The following ENSA variants were observed in gnomAD, a reference collection of about 807,000 sequenced individuals.
ENSA encodes endosulfine alpha, also known as alpha-endosulfine.
ENSA carries 7 observed loss-of-function variants against 16.8 expected under a neutral mutation model. The ratio of observed to expected loss-of-function variants is 0.42; its 90% CI spans 0.24 to 0.78. ENSA has a LOEUF of 0.78. ENSA is among the 30% of genes least tolerant of loss of function. ENSA has a pLI of 0.29. For synonymous variants in ENSA, 58 were observed against 53.4 expected (o/e 1.09, Z -0.37); for missense variants, 87 against 142.3 (o/e 0.61, Z 1.98).
Position 150,629,437 on chromosome 1 carries a change from C to T in ENSA, c.34G>A (p.Glu12Lys), listed in dbSNP as rs1228754399. The change falls in exon 1 of 4, where the codon GAG becomes AAG. Residue 12 changes from glutamate to lysine, a missense_variant. Glu to Lys is a moderately conservative substitution (Grantham distance 56). Transcript: ENST00000369014. The stretch of plus-strand genomic sequence containing the variant: ...ACCTGCTTCTCCTCGCCGGTCTCCT[C>T]CGCAGGGTTCTCTTCTTCTTGTTTC... ...SQKQEEENPA[E>K]ETGEEKQDTQ... 1.9e-6 allele frequency: 3 copies of T among 1,613,886 alleles called. No individual in the cohort carries two copies. The highest frequency in any genetic ancestry group is 2.2e-5 in the East Asian group (1 of 44,876).
At chr1:150,628,314 C>T (rs775149583) in intron 1 of ENSA, among the ~76,000 whole-genome samples, 5 of 152,182 alleles carry the variant, frequency 3.3e-5, no homozygotes, top group Non-Finnish European at 7.3e-5. Flanking sequence ...ATGGCACAGC[C>T]TTGCTTCAAC....
Position 150,623,995 on chromosome 1 carries a change from T to C in ENSA, c.351-1136A>G, listed in dbSNP as rs1447995237. On this transcript the variant is annotated intron_variant, in intron 3 of 3. Coordinates refer to ENST00000369014, the MANE Select transcript of ENSA (RefSeq NM_004436.4). ...AGTCATTCTCATTGGGCCAAATGTT[T>C]GGCATATCAGAATTTGTGATGTGAG... 6.1e-6 allele frequency: 6 copies of C among 985,308 alleles called. No homozygotes were observed. The African/African-American group carries it at 8.7e-5, about 14-fold the overall frequency. 61.0% of individuals were successfully genotyped at this position (985,308 alleles called of 1,614,324 possible). A position where few individuals can be genotyped will look rare whatever the true frequency, so the allele number is the denominator to read the frequency against.
At chr1:150,628,879 C>A in intron 1 of ENSA, 1 of 631,782 alleles carries the variant, frequency 1.6e-6, no homozygotes, top group Non-Finnish European at 2.8e-6. Context: ...TGAAGGTGAG[C>A]AATAGACCAT....
intron 3 of ENSA, chr1:150,623,211 T>C: frequency 9.2e-7 from 1 of 1,086,866 alleles, no homozygotes; most frequent in Non-Finnish European, 1.1e-6. Flanking sequence ...CACAGCTACT[T>C]GCAAAGACTG....
chr1:150,627,409 T>C, intron 2 of ENSA, 58 bp downstream of exon 2: 2 of 1,614,198 alleles, frequency 1.2e-6, no homozygotes, highest in Non-Finnish European at 1.7e-6. Flanking sequence ...TCTACAGACT[T>C]CATTCGAAGA....
rs940193430 is a variant in ENSA at position 150,622,598 on chromosome 1, T to C, written c.*246A>G. 6.7e-5 allele frequency: 8 copies of C among 119,612 alleles called. No individual in the cohort carries two copies. Among genetic ancestry groups the C allele is most frequent in the East Asian group, 3.0e-4 (1 of 3,330 alleles). The allele number at this position is 119,612 out of a possible 1,614,324, so 7.4% of individuals were successfully genotyped here. ...CCCCACCCCCACCCCCAGAATTTCA[T>C]TGATATTTCTCCCAACTGTTATTTG... On this transcript the variant is annotated 3_prime_UTR_variant, in exon 4 of 4. Transcript: ENST00000369014.
At chr1:150,627,112 C>T (rs1649387410) in intron 2 of ENSA, 1 of 1,404,532 alleles carries the variant, frequency 7.1e-7, no homozygotes, top group Admixed American at 2.8e-5. Context: ...AATGATGCAT[C>T]CCAAAATTTA....
intron 1 of ENSA, chr1:150,628,944 A>C: frequency 9.2e-7 from 1 of 1,090,244 alleles, no homozygotes; most frequent in Non-Finnish European, 1.4e-6. Flanking sequence ...ACTAGCCATT[A>C]TAATAACTAC....
intron 1 of ENSA, among the ~76,000 whole-genome samples, chr1:150,628,656 C>A (rs1009981930): frequency 6.6e-6 from 1 of 152,112 alleles, no homozygotes; most frequent in East Asian, 1.9e-4. Flanking sequence ...GAACCCAGTA[C>A]TAAATTTTAA....
intron 3 of ENSA, chr1:150,623,603 C>T: frequency 5.1e-6 from 5 of 984,260 alleles, no homozygotes; most frequent in Non-Finnish European, 6.0e-6. Flanking sequence ...TTGAGAAGAT[C>T]GGAGATGAAG....
intron 2 of ENSA, chr1:150,626,362 G>C: frequency 1.1e-6 from 1 of 930,410 alleles, no homozygotes; most frequent in Non-Finnish European, 1.7e-6. Flanking sequence ...TTCCATGACT[G>C]TGACAGCCTG....
chr1:150,623,740 T>A, intron 3 of ENSA: 1 of 985,810 alleles, frequency 1.0e-6, no homozygotes, highest in East Asian at 1.1e-4. Context: ...AGATGGACTT[T>A]AAGGATGACA....
At chr1:150,626,385 T>C in intron 2 of ENSA, 3 of 1,282,744 alleles carry the variant, frequency 2.3e-6, no homozygotes, top group Non-Finnish European at 3.4e-6. Context: ...CACGCCTGCC[T>C]TGCCTCCAGC....
At chr1:150,623,196 AT>A (rs1337689201) in intron 3 of ENSA, 2 of 1,114,226 alleles carry the variant, frequency 1.8e-6, no homozygotes, top group Non-Finnish European at 2.2e-6. Flanking sequence ...TTTCAGAGGC[AT>A]GGCCACAGCT....
rs1259928826 is a variant in ENSA, at chr1:150,623,947, A to C, written c.351-1088T>G. 13 of 985,244 alleles carry C rather than the reference A, an allele frequency of 1.3e-5. No homozygotes were observed. The South Asian group carries it at 5.2e-4, about 39-fold the overall frequency. The allele number at this position is 985,244 out of a possible 1,614,324, so 61.0% of individuals were successfully genotyped here. On this transcript the variant is annotated intron_variant, in intron 3 of 3. Coordinates refer to ENST00000369014, the MANE Select transcript of ENSA (RefSeq NM_004436.4). ...AGGCATATACACACCTCATCCCCCCACATGCACATCAGCAAGTCTATCAGT... is the reference window on the plus strand; with the variant it reads ...AGGCATATACACACCTCATCCCCCCCCATGCACATCAGCAAGTCTATCAGT...
intron 1 of ENSA, chr1:150,628,896 C>T (rs1203072214): frequency 3.0e-6 from 2 of 670,396 alleles, no homozygotes; most frequent in Non-Finnish European, 5.2e-6. Context: ...CCATCCTTAG[C>T]TACTAAAATA....
intron 3 of ENSA, chr1:150,624,055 G>A (rs1649142827): frequency 2.3e-5 from 23 of 985,438 alleles, no homozygotes; most frequent in Non-Finnish European, 2.8e-5. Context: ...GCTCTCTTGA[G>A]CATTAGTTCT....
chr1:150,627,273 G>T lies in ENSA; in HGVS notation c.183+194C>A, dbSNP rs1453803164. 1.3e-5 allele frequency: 20 copies of T among 1,542,526 alleles called. No homozygotes were observed. In the South Asian group the frequency reaches 1.9e-4, roughly 15 times the overall value. On this transcript the variant is annotated intron_variant, in intron 2 of 3. Coordinates refer to ENST00000369014, the MANE Select transcript of ENSA (RefSeq NM_004436.4). ...AATTTAGGCCTTAATTTCCTACATG[G>T]GAAATCAGGAGGGAATTGATACCAC...
rs1173599533 is a variant in ENSA at position 150,622,694 on chromosome 1, C to G, written c.*150G>C. 5 of 705,540 alleles carry G rather than the reference C, an allele frequency of 7.1e-6. No homozygotes were observed. The East Asian group carries it at 9.2e-5, about 13-fold the overall frequency. The allele number at this position is 705,540 out of a possible 1,614,324, so 43.7% of individuals were successfully genotyped here. On this transcript the variant is annotated 3_prime_UTR_variant, in exon 4 of 4. Coordinates refer to ENST00000369014, the MANE Select transcript of ENSA (RefSeq NM_004436.4). The stretch of plus-strand genomic sequence containing the variant: ...CAAGGGGCTCCATGTGCTGGGACAC[C>G]AACAGGAAAGGGCTTCTGCCTCTCC...
Sources: allele counts gnomAD v4.1 joint callset (sites outside exome capture counted in the v4.1 genomes callset), GRCh38; gene constraint gnomAD v4.1.1; transcripts MANE v1.5; gene names NCBI Gene and HGNC (gene_info 2026-07-23, HGNC 2026-07-21).